The following CRACR2A variants were observed in gnomAD, a reference collection of about 807,000 sequenced individuals.
CRACR2A encodes EF-hand calcium-binding domain-containing protein 4B.
In CRACR2A, 79 loss-of-function variants were observed where a neutral mutation model predicts 90.5. That is an observed-to-expected ratio of 0.87 (90% confidence interval 0.73 to 1.05). The LOEUF is 1.05. Ranked by LOEUF, CRACR2A falls within the 50% of genes least tolerant of loss-of-function variation. The pLI, the probability that CRACR2A is intolerant of heterozygous loss-of-function variation, is 0.00. For missense variants in CRACR2A, 823 were observed against 897.2 expected (o/e 0.92, Z 1.06); for synonymous variants, 338 against 356.7 (o/e 0.95, Z 0.59).
chr12:3,752,816 G>A (rs746187078), intron 1 of CRACR2A, among the ~76,000 whole-genome samples, 199 bp downstream of exon 1: 1 of 152,166 alleles, frequency 6.6e-6, no homozygotes, highest in African/African-American at 2.4e-5. Context: ...TGACAGGGAG[G>A]GGAGCAAGGG....
intron 4 of CRACR2A, among the ~76,000 whole-genome samples, chr12:3,684,083 T>G (rs754607155): frequency 6.6e-6 from 1 of 152,178 alleles, no homozygotes; most frequent in African/African-American, 2.4e-5. Context: ...ACATACCCCA[T>G]GTAGCTTAAA....
intron 10 of CRACR2A, among the ~76,000 whole-genome samples, chr12:3,653,672 G>T (rs1273368624): frequency 2.6e-5 from 4 of 152,142 alleles, no homozygotes; most frequent in African/African-American, 9.7e-5. Flanking sequence ...TGAATCTGAG[G>T]AACATGGTGA....
chr12:3,731,213 C>A (rs1946354937), intron 2 of CRACR2A: 1 of 152,406 alleles, frequency 6.6e-6, no homozygotes, highest in South Asian at 2.1e-4. Flanking sequence ...GTGATGCACT[C>A]CCAGCCTCTC....
intron 1 of CRACR2A, among the ~76,000 whole-genome samples, chr12:3,752,187 C>T (rs1469650002): frequency 6.6e-6 from 1 of 152,192 alleles, no homozygotes; most frequent in Non-Finnish European, 1.5e-5. Flanking sequence ...TTTGAGACTC[C>T]TGGTGTCCTC....
chr12:3,738,668 T>G (rs1591723242), intron 1 of CRACR2A, among the ~76,000 whole-genome samples: 1 of 152,332 alleles, frequency 6.6e-6, no homozygotes, highest in South Asian at 2.1e-4. Context: ...TACATCTGTT[T>G]GGAGTTTCAG....
rs999846219 is a variant in CRACR2A, at chr12:3,750,170, A to G, written c.-387+2845T>C. ...AGGCTGGTCTCGAACTTCTGACCTC[A>G]GGTGATCCACCCGCCTCAGCTTCCA... On this transcript the variant is annotated intron_variant, in intron 1 of 19. Coordinates refer to ENST00000440314, the MANE Select transcript of CRACR2A (RefSeq NM_001144958.2). Among the ~76,000 whole-genome samples the G allele has an allele frequency of 2.0e-5, 3 of 151,978 alleles. No individual in the cohort carries two copies. In the East Asian group the frequency reaches 5.8e-4, roughly 29 times the overall value.
chr12:3,705,739 G>A (rs1465604469), intron 3 of CRACR2A, among the ~76,000 whole-genome samples: 6 of 152,220 alleles, frequency 3.9e-5, no homozygotes, highest in African/African-American at 1.2e-4. Flanking sequence ...TGTGAGTGCC[G>A]TCTTGTGGAA....
rs145705304 is a variant in CRACR2A at position 3,615,481 on chromosome 12, A to T, written c.2112-42T>A. 337 of 1,514,676 alleles carry T rather than the reference A, an allele frequency of 2.2e-4. 1 individual carries two copies. In the African/African-American group the frequency reaches 4.1e-3, roughly 19 times the overall value. The allele number at this position is 1,514,676 out of a possible 1,614,324, so 93.8% of individuals were successfully genotyped here. ...GATCGTGTCAGTGATGGAGAAGTTG[A>T]TAGGCCCAGGGGCTGGCAACCTGGA... On this transcript the variant is annotated intron_variant, in intron 19 of 19. Transcript: ENST00000440314.
intron 10 of CRACR2A, among the ~76,000 whole-genome samples, chr12:3,651,108 T>C (rs1039188420): frequency 2.5e-4 from 38 of 152,218 alleles, no homozygotes; most frequent in African/African-American, 9.2e-4. Context: ...GGAGTGGTAA[T>C]TGGTGAGGCG....
In CRACR2A at chr12:3,638,207, C is replaced by T; in HGVS notation, c.1519G>A (p.Gly507Arg). ...EEEVSDQGVQ[G>R]QIPEAPPLKL... ...AAGGGTGGGGCCTCCGGGATTTGTC[C>T]CTGTACCCCCTGGTCAGAGACCTCT... The change falls in exon 14 of 20, where the codon GGA becomes AGA. Residue 507 changes from glycine (G) to arginine (R), a missense_variant. Coordinates refer to ENST00000440314, the MANE Select transcript of CRACR2A (RefSeq NM_001144958.2). 1 of 1,551,582 alleles carries T rather than the reference C, an allele frequency of 6.4e-7. No homozygotes were observed. Among genetic ancestry groups the T allele is most frequent in the Non-Finnish European group, 8.7e-7 (1 of 1,146,936 alleles).
chr12:3,618,749 T>C (rs886550341), intron 18 of CRACR2A, among the ~76,000 whole-genome samples: 6 of 152,180 alleles, frequency 3.9e-5, no homozygotes, highest in African/African-American at 1.4e-4. Flanking sequence ...TTAAGCCCCA[T>C]TGATTCCATT....
In CRACR2A at chr12:3,638,306, C is replaced by A; in HGVS notation, c.1420G>T (p.Val474Phe). 1 of 1,551,606 alleles carries A rather than the reference C, an allele frequency of 6.4e-7. No homozygotes were observed. ...AGCTGGGGCAGGGGGTCTTCTTCAA[C>A]GGAGATGATTCTGCGGAGCGGCCGG... The part of the protein sequence containing the change: ...YPRPLRRIIS[V>F]EEDPLPQLLD... The change falls in exon 14 of 20, where the codon GTT becomes TTT. Residue 474 changes from valine to phenylalanine, a missense_variant. Coordinates refer to ENST00000440314, the MANE Select transcript of CRACR2A (RefSeq NM_001144958.2).
At chr12:3,731,394 G>C (rs931175290) in intron 2 of CRACR2A, 1 of 152,338 alleles carries the variant, frequency 6.6e-6, no homozygotes. Context: ...ATACAAAGGA[G>C]AGCGATAGGT....
chr12:3,657,902 T>C (rs1944945446), intron 8 of CRACR2A, among the ~76,000 whole-genome samples: 2 of 152,048 alleles, frequency 1.3e-5, no homozygotes, highest in African/African-American at 4.8e-5. Context: ...TCAAACAAAC[T>C]GGTAAGGGTC....
At chr12:3,686,810 G>A (rs987456464) in intron 4 of CRACR2A, among the ~76,000 whole-genome samples, 1 of 152,178 alleles carries the variant, frequency 6.6e-6, no homozygotes, top group Non-Finnish European at 1.5e-5. Context: ...TCATAAGGGA[G>A]GCTGAGGACT....
At chr12:3,689,329 T>G (rs1234908709) in intron 4 of CRACR2A, among the ~76,000 whole-genome samples, 2 of 152,222 alleles carry the variant, frequency 1.3e-5, no homozygotes, top group African/African-American at 4.8e-5. Flanking sequence ...GGCTGTTGGT[T>G]TGCCATAGAT....
At chr12:3,663,121 T>C (rs2137519744) in intron 7 of CRACR2A, among the ~76,000 whole-genome samples, 1 of 152,228 alleles carries the variant, frequency 6.6e-6, no homozygotes, top group Admixed American at 6.5e-5. Flanking sequence ...TTGTCTCAAT[T>C]AGGTTATAAA....
chr12:3,741,506 A>G (rs1946524870), intron 1 of CRACR2A, among the ~76,000 whole-genome samples: 1 of 152,234 alleles, frequency 6.6e-6, no homozygotes, highest in Admixed American at 6.5e-5. Context: ...TCTGTTCATA[A>G]ACGACTTTCA....
intron 2 of CRACR2A, among the ~76,000 whole-genome samples, chr12:3,723,043 ACTC>A (rs1402843781): frequency 2.0e-5 from 3 of 152,030 alleles, no homozygotes; most frequent in Non-Finnish European, 4.4e-5. Flanking sequence ...GGAACTTTGT[ACTC>A]CTCCTTAGCA....
Sources: allele counts gnomAD v4.1 joint callset (sites outside exome capture counted in the v4.1 genomes callset), GRCh38; gene constraint gnomAD v4.1.1; transcripts MANE v1.5; gene names NCBI Gene and HGNC (gene_info 2026-07-23, HGNC 2026-07-21).